ZBTB7C: variants seen among roughly 807,000 people sequenced by gnomAD.
The protein encoded by ZBTB7C is zinc finger and BTB domain-containing protein 7C.
Under a neutral mutation model 25.7 loss-of-function variants are expected in ZBTB7C, and 8 were observed. The ratio of observed to expected loss-of-function variants is 0.31; its 90% CI spans 0.18 to 0.56. The LOEUF (loss-of-function observed/expected upper bound fraction) is 0.56, where lower values mean the gene tolerates loss of function less well. ZBTB7C is among the 20% of genes least tolerant of loss of function. The probability of loss-of-function intolerance (pLI) is 0.91; values close to 1 mark genes in which losing one functional copy is unlikely to be tolerated. For missense variants in ZBTB7C, 824 were observed against 855.2 expected (o/e 0.96, Z 0.46); for synonymous variants, 394 against 369.0 (o/e 1.07, Z -0.78).
At chr18:48,033,261 C>G (rs1568159860) in intron 4 of ZBTB7C, among the ~76,000 whole-genome samples, 1 of 152,142 alleles carries the variant, frequency 6.6e-6, no homozygotes, top group Non-Finnish European at 1.5e-5. Flanking sequence ...AAGTTAAGAG[C>G]TTCCCAAAGG....
chr18:48,205,348 A>G (rs2042553347), intron 2 of ZBTB7C, among the ~76,000 whole-genome samples: 1 of 152,080 alleles, frequency 6.6e-6, no homozygotes. Context: ...AACAAATTAA[A>G]TACCTAAGAA....
intron 1 of ZBTB7C, among the ~76,000 whole-genome samples, chr18:48,361,386 A>C (rs2047101674): frequency 6.6e-6 from 1 of 152,216 alleles, no homozygotes; most frequent in African/African-American, 2.4e-5. Context: ...CCAGAGTTAC[A>C]CAGCCCCATC....
At chr18:48,205,053 G>A (rs993895702) in intron 2 of ZBTB7C, among the ~76,000 whole-genome samples, 7 of 152,074 alleles carry the variant, frequency 4.6e-5, no homozygotes, top group Admixed American at 3.9e-4. Context: ...CCAATGACCA[G>A]GGATCCTCAG....
intron 3 of ZBTB7C, among the ~76,000 whole-genome samples, chr18:48,138,896 C>T (rs1038362379): frequency 3.3e-5 from 5 of 152,194 alleles, no homozygotes; most frequent in African/African-American, 4.8e-5. Flanking sequence ...GCTGTGTGCC[C>T]GTAAAGGGTT....
chr18:48,240,885 C>T (rs1225991837), intron 2 of ZBTB7C, among the ~76,000 whole-genome samples: 2 of 152,086 alleles, frequency 1.3e-5, no homozygotes, highest in Non-Finnish European at 2.9e-5. Flanking sequence ...CTAAATGCTC[C>T]ACTTAAAAGA....
chr18:48,214,621 G>A (rs568501179), intron 2 of ZBTB7C, among the ~76,000 whole-genome samples: 69 of 152,218 alleles, frequency 4.5e-4, no homozygotes, highest in Non-Finnish European at 6.2e-4. Flanking sequence ...CCACTGCCAT[G>A]ACAGTAGCAA....
At chr18:48,298,800 T>G (rs964905513) in intron 2 of ZBTB7C, among the ~76,000 whole-genome samples, 2 of 152,168 alleles carry the variant, frequency 1.3e-5, no homozygotes, top group Non-Finnish European at 2.9e-5. Flanking sequence ...CGCAGTCTCC[T>G]CTGGGCTCTG....
At chr18:48,286,186 G>A (rs985789525) in intron 2 of ZBTB7C, among the ~76,000 whole-genome samples, 4 of 151,254 alleles carry the variant, frequency 2.6e-5, no homozygotes, top group African/African-American at 9.7e-5. Flanking sequence ...ATTTTATCAG[G>A]GTATAATTGT....
intron 3 of ZBTB7C, among the ~76,000 whole-genome samples, chr18:48,088,831 G>GA (rs2038295262): frequency 6.7e-6 from 1 of 149,288 alleles, no homozygotes; most frequent in Admixed American, 6.6e-5. Flanking sequence ...CTCTGTCTCA[G>GA]AAAAAATAAA....
At chr18:48,278,435 T>C (rs2044732582) in intron 2 of ZBTB7C, among the ~76,000 whole-genome samples, 1 of 149,880 alleles carries the variant, frequency 6.7e-6, no homozygotes, top group South Asian at 2.1e-4. Flanking sequence ...CCCCAAATTC[T>C]TTTTTTTCTT....
chr18:48,089,598 C>T (rs2038333026), intron 3 of ZBTB7C, among the ~76,000 whole-genome samples: 1 of 152,018 alleles, frequency 6.6e-6, no homozygotes, highest in Non-Finnish European at 1.5e-5. Context: ...TGGTACTACG[C>T]ACACCGCTCA....
chr18:48,321,225 C>A (rs1214599120), intron 2 of ZBTB7C, among the ~76,000 whole-genome samples: 1 of 152,212 alleles, frequency 6.6e-6, no homozygotes, highest in Non-Finnish European at 1.5e-5. Context: ...CCCTGTCCCT[C>A]TCCCTTGTGG....
intron 2 of ZBTB7C, among the ~76,000 whole-genome samples, chr18:48,319,687 C>T (rs746405127): frequency 3.3e-5 from 5 of 151,948 alleles, no homozygotes; most frequent in Non-Finnish European, 7.4e-5. Flanking sequence ...AAATGGTTGC[C>T]GTGGGAGGCC....
intron 3 of ZBTB7C, among the ~76,000 whole-genome samples, chr18:48,133,182 G>T (rs946810161): frequency 6.6e-6 from 1 of 152,200 alleles, no homozygotes; most frequent in Non-Finnish European, 1.5e-5. Context: ...CACAAGCCAA[G>T]CTACCATTGT....
chr18:48,270,631 A>T (rs1260147979), intron 2 of ZBTB7C, among the ~76,000 whole-genome samples: 1 of 149,574 alleles, frequency 6.7e-6, no homozygotes, highest in Admixed American at 6.7e-5. Context: ...CAGAGGTTGC[A>T]GTGAGCCAAG....
intron 3 of ZBTB7C, among the ~76,000 whole-genome samples, chr18:48,048,581 A>T (rs2036562395): frequency 1.3e-5 from 2 of 152,162 alleles, no homozygotes; most frequent in South Asian, 4.1e-4. Context: ...TGCCATGAGG[A>T]TCAAATGAGG....
intron 3 of ZBTB7C, among the ~76,000 whole-genome samples, chr18:48,093,059 T>C (rs1449608894): frequency 6.6e-6 from 1 of 152,164 alleles, no homozygotes; most frequent in Non-Finnish European, 1.5e-5. Context: ...GAGAATGTAA[T>C]GTGGGGACTC....
chr18:48,101,503 C>T (rs1449674091), intron 3 of ZBTB7C, among the ~76,000 whole-genome samples: 2 of 152,174 alleles, frequency 1.3e-5, no homozygotes, highest in Admixed American at 6.5e-5. Context: ...TCTTATAGCT[C>T]ATCTTGACTG....
At chr18:48,299,024 C>T (rs1354569549) in intron 2 of ZBTB7C, among the ~76,000 whole-genome samples, 1 of 152,154 alleles carries the variant, frequency 6.6e-6, no homozygotes, top group Non-Finnish European at 1.5e-5. Flanking sequence ...CAGACACAAG[C>T]GCCCAGTCCT....
Sources: gnomAD v4.1 joint callset for allele counts (sites outside exome capture counted in the v4.1 genomes callset) on GRCh38, gnomAD v4.1.1 for gene constraint, MANE v1.5 for transcripts, NCBI Gene and HGNC (gene_info 2026-07-23, HGNC 2026-07-21) for gene names.